MAP7: variants seen among roughly 807,000 people sequenced by gnomAD.
The protein encoded by MAP7 is ensconsin.
A neutral mutation model predicts 94.8 loss-of-function variants in MAP7; 52 were observed. The observed-to-expected ratio is 0.55, with a 90% CI of 0.44 to 0.69. The LOEUF (loss-of-function observed/expected upper bound fraction) is 0.69. MAP7 is among the 30% of genes least tolerant of loss of function. MAP7 has a pLI of 0.00. For synonymous variants in MAP7, 350 were observed against 357.0 expected (o/e 0.98, Z 0.22); for missense variants, 940 against 964.6 (o/e 0.97, Z 0.34).
chr6:136,376,005 T>C (rs1776010238), intron 7 of MAP7, among the ~76,000 whole-genome samples: 1 of 152,150 alleles, frequency 6.6e-6, no homozygotes. Context: ...ATTTCCCAGC[T>C]GTGAGGCAGT....
At chr6:136,421,542 G>A (rs1470140587) in intron 2 of MAP7, among the ~76,000 whole-genome samples, 159 bp downstream of exon 2, 1 of 152,216 alleles carries the variant, frequency 6.6e-6, no homozygotes, top group East Asian at 1.9e-4. Flanking sequence ...CAATCCAGTA[G>A]GAGTGTGTGT....
intron 3 of MAP7, among the ~76,000 whole-genome samples, chr6:136,408,837 T>TG (rs1786445026): frequency 6.6e-6 from 1 of 152,202 alleles, no homozygotes; most frequent in Non-Finnish European, 1.5e-5. Context: ...CATAGACAGT[T>TG]GATCAGGTGT....
intron 8 of MAP7, among the ~76,000 whole-genome samples, chr6:136,370,584 G>A (rs1774149280): frequency 6.6e-6 from 1 of 152,172 alleles, no homozygotes. Context: ...CCCTAAAAAG[G>A]AAGGAAATTC....
chr6:136,395,408 ATTTTTTTT>A (rs34425736), intron 3 of MAP7, among the ~76,000 whole-genome samples: 2,309 of 87,794 alleles, frequency 0.026, 37 homozygotes, highest in South Asian at 0.043. Context: ...TTTAATTTGG[ATTTTTTTT>A]TTTTTTTTTT....
At chr6:136,429,236 A>G (rs1234594147) in intron 1 of MAP7, among the ~76,000 whole-genome samples, 1 of 152,186 alleles carries the variant, frequency 6.6e-6, no homozygotes, top group Non-Finnish European at 1.5e-5. Context: ...ACCCCACTTC[A>G]TAGAAAGGAG....
intron 1 of MAP7, among the ~76,000 whole-genome samples, chr6:136,487,688 G>C (rs1183119295): frequency 6.6e-6 from 1 of 151,652 alleles, no homozygotes; most frequent in African/African-American, 2.4e-5. Context: ...CCACCTGGGA[G>C]ACAGAGCATG....
intron 16 of MAP7, 129 bp downstream of exon 16, chr6:136,356,563 T>C: frequency 1.5e-6 from 1 of 671,184 alleles, no homozygotes; most frequent in Non-Finnish European, 2.6e-6. Context: ...ACAGAATTAC[T>C]AGCTCAACCA....
At chr6:136,459,346 TA>T (rs1804415262) in intron 1 of MAP7, among the ~76,000 whole-genome samples, 1 of 152,064 alleles carries the variant, frequency 6.6e-6, no homozygotes, top group Admixed American at 6.6e-5. Context: ...GGAAACAGTA[TA>T]AAGGTTCCTC....
chr6:136,523,015 A>C (rs1274999614), intron 1 of MAP7, among the ~76,000 whole-genome samples: 1 of 152,202 alleles, frequency 6.6e-6, no homozygotes, highest in Non-Finnish European at 1.5e-5. Context: ...AGCTTGAGTA[A>C]CAGGGCAAGA....
At chr6:136,345,566 G>A (rs1474626625) in intron 17 of MAP7, among the ~76,000 whole-genome samples, 2 of 152,232 alleles carry the variant, frequency 1.3e-5, no homozygotes, top group African/African-American at 4.8e-5. Context: ...GAGCATGCAT[G>A]ATGTCGGGTA....
At chr6:136,516,414 T>C (rs1022238278) in intron 1 of MAP7, among the ~76,000 whole-genome samples, 6 of 152,062 alleles carry the variant, frequency 3.9e-5, no homozygotes, top group South Asian at 4.1e-4. Context: ...CACCTTGGCC[T>C]CCCAAAGCAC....
intron 7 of MAP7, among the ~76,000 whole-genome samples, chr6:136,374,627 G>A (rs1775546125): frequency 6.6e-6 from 1 of 152,218 alleles, no homozygotes; most frequent in South Asian, 2.1e-4. Context: ...AGCATTTCCT[G>A]AAGCTATCAT....
At chr6:136,510,375 C>G (rs1443487890) in intron 1 of MAP7, among the ~76,000 whole-genome samples, 1 of 152,180 alleles carries the variant, frequency 6.6e-6, no homozygotes, top group East Asian at 1.9e-4. Context: ...AGGGGACACT[C>G]CAGCCTGCAA....
intron 1 of MAP7, among the ~76,000 whole-genome samples, chr6:136,447,671 G>A (rs1302629828): frequency 6.6e-6 from 1 of 151,574 alleles, no homozygotes; most frequent in African/African-American, 2.4e-5. Flanking sequence ...TGAATAACTG[G>A]GTGTTTTTTT....
chr6:136,511,760 C>T (rs1362332401), intron 1 of MAP7, among the ~76,000 whole-genome samples: 1 of 152,142 alleles, frequency 6.6e-6, no homozygotes, highest in Non-Finnish European at 1.5e-5. Flanking sequence ...GCAAGTTCTC[C>T]CTGGCTTACA....
At chr6:136,491,888 C>T (rs888124375) in intron 1 of MAP7, among the ~76,000 whole-genome samples, 1 of 152,182 alleles carries the variant, frequency 6.6e-6, no homozygotes, top group Admixed American at 6.5e-5. Context: ...ATTAAGTCTA[C>T]ATAACAAATA....
chr6:136,443,784 T>C (rs926872052), intron 1 of MAP7, among the ~76,000 whole-genome samples: 23 of 152,206 alleles, frequency 1.5e-4, no homozygotes, highest in African/African-American at 5.5e-4. Context: ...TTCTTATGCA[T>C]CCTGAACATT....
At chr6:136,387,587 C>T (rs1285826299) in intron 5 of MAP7, among the ~76,000 whole-genome samples, 1 of 152,080 alleles carries the variant, frequency 6.6e-6, no homozygotes, top group Non-Finnish European at 1.5e-5. Context: ...AGCTACAGGT[C>T]AGGCAATTGG....
intron 1 of MAP7, among the ~76,000 whole-genome samples, chr6:136,500,572 GT>G (rs1819544920): frequency 6.6e-6 from 1 of 152,178 alleles, no homozygotes; most frequent in Non-Finnish European, 1.5e-5. Context: ...TTGTAGTAAT[GT>G]TAGACATACT....
Sources: allele counts gnomAD v4.1 joint callset (sites outside exome capture counted in the v4.1 genomes callset), GRCh38; gene constraint gnomAD v4.1.1; transcripts MANE v1.5; gene names NCBI Gene and HGNC (gene_info 2026-07-23, HGNC 2026-07-21).